The following FARS2 variants were observed in gnomAD, a reference collection of about 807,000 sequenced individuals.
The protein encoded by FARS2 is phenylalanine--tRNA ligase, mitochondrial.
FARS2 carries 40 observed loss-of-function variants against 46.4 expected under a neutral mutation model. The ratio of observed to expected loss-of-function variants is 0.86; its 90% CI spans 0.67 to 1.12. The LOEUF (loss-of-function observed/expected upper bound fraction) is 1.12. FARS2 is among the 50% of genes most tolerant of loss of function. The pLI is 0.00. For synonymous variants in FARS2, 234 were observed against 214.9 expected, an observed-to-expected ratio of 1.09 and a Z score of -0.78; for missense variants, 513 against 567.9, an observed-to-expected ratio of 0.90 and a Z score of 0.98.
intron 2 of FARS2, among the ~76,000 whole-genome samples, chr6:5,380,971 ATTAT>A (rs370795967): frequency 0.021 from 2,464 of 119,118 alleles, 32 homozygotes; most frequent in South Asian, 0.032. Context: ...CATTATAGCA[ATTAT>A]TTATTTATTT....
chr6:5,673,194 CTA>C (rs1243424621), intron 6 of FARS2, among the ~76,000 whole-genome samples: 2 of 152,320 alleles, frequency 1.3e-5, no homozygotes, highest in Non-Finnish European at 2.9e-5. Flanking sequence ...GAAGCACTGT[CTA>C]CTTCCCACGT....
intron 6 of FARS2, among the ~76,000 whole-genome samples, chr6:5,716,044 C>A (rs553182485): frequency 1.3e-5 from 2 of 152,284 alleles, no homozygotes; most frequent in South Asian, 4.1e-4. Flanking sequence ...TTTTGATTTG[C>A]ATTTTTCCCT....
At chr6:5,367,470 G>A (rs1315199102) in intron 1 of FARS2, among the ~76,000 whole-genome samples, 2 of 151,932 alleles carry the variant, frequency 1.3e-5, no homozygotes, top group African/African-American at 2.4e-5. Context: ...TGTGGCAGTG[G>A]GAAGAAGACA....
At chr6:5,569,642 G>C (rs1371102492) in intron 5 of FARS2, among the ~76,000 whole-genome samples, 1 of 152,176 alleles carries the variant, frequency 6.6e-6, no homozygotes, top group South Asian at 2.1e-4. Flanking sequence ...CTGGTCTTAG[G>C]TATGGCTGGC....
intron 1 of FARS2, among the ~76,000 whole-genome samples, chr6:5,283,621 C>G (rs1022912995): frequency 6.6e-6 from 1 of 151,658 alleles, no homozygotes; most frequent in African/African-American, 2.4e-5. Context: ...CTGTCTCTGT[C>G]CTTCAGCTCT....
intron 1 of FARS2, among the ~76,000 whole-genome samples, chr6:5,277,637 A>G (rs1766429435): frequency 6.6e-6 from 1 of 152,336 alleles, no homozygotes; most frequent in Non-Finnish European, 1.5e-5. Flanking sequence ...TTTCAAAACT[A>G]AAATCTGTTT....
chr6:5,681,153 T>G (rs1779014198), intron 6 of FARS2, among the ~76,000 whole-genome samples: 1 of 152,162 alleles, frequency 6.6e-6, no homozygotes. Flanking sequence ...CTGAGAAAGG[T>G]TCAAAGATGT....
rs187746059 is a variant in FARS2, at chr6:5,612,639, C to T, written c.1066-530C>T. 2.0e-5 allele frequency among the ~76,000 whole-genome samples: 3 copies of T among 152,286 alleles called. No individual in the cohort carries two copies. In the East Asian group the frequency reaches 5.8e-4, roughly 29 times the overall value. On this transcript the variant is annotated intron_variant, in intron 5 of 6. Coordinates refer to ENST00000274680, the MANE Select transcript of FARS2 (RefSeq NM_006567.5). ...GAAATGGCTACATTTATGTTTATCA[C>T]ATCCTTAAAGGCATAATTTGAAAAA...
At chr6:5,646,869 G>A (rs1237091800) in intron 6 of FARS2, among the ~76,000 whole-genome samples, 2 of 152,130 alleles carry the variant, frequency 1.3e-5, no homozygotes, top group Non-Finnish European at 2.9e-5. Context: ...TTGATCCACA[G>A]TTGGTTGAAT....
At chr6:5,288,517 A>G (rs143894821) in intron 1 of FARS2, among the ~76,000 whole-genome samples, 5 of 152,254 alleles carry the variant, frequency 3.3e-5, no homozygotes, top group Middle Eastern at 3.4e-3. Context: ...GAATCACCAA[A>G]TATACTTTCT....
At chr6:5,326,176 G>A (rs1426818861) in intron 1 of FARS2, among the ~76,000 whole-genome samples, 6 of 151,890 alleles carry the variant, frequency 4.0e-5, no homozygotes, top group Non-Finnish European at 7.4e-5. Flanking sequence ...TGAATGCAGC[G>A]TTATTTATTT....
intron 6 of FARS2, among the ~76,000 whole-genome samples, chr6:5,736,833 A>T (rs111375468): frequency 6.6e-6 from 1 of 152,152 alleles, no homozygotes; most frequent in Non-Finnish European, 1.5e-5. Flanking sequence ...TCTAAGAGTG[A>T]TGGGTAAGTA....
chr6:5,428,830 T>TC (rs766563307), intron 3 of FARS2, among the ~76,000 whole-genome samples: 1 of 152,192 alleles, frequency 6.6e-6, no homozygotes, highest in Non-Finnish European at 1.5e-5. Flanking sequence ...GGGACAGTTC[T>TC]CCAACGGCCT....
chr6:5,369,883 T>TG (rs957893186), intron 2 of FARS2, among the ~76,000 whole-genome samples: 3 of 150,878 alleles, frequency 2.0e-5, no homozygotes, highest in Admixed American at 6.6e-5. Flanking sequence ...TTTTTGTTGT[T>TG]TTTTTTTTTG....
chr6:5,434,396 G>T (rs915447412), intron 4 of FARS2, among the ~76,000 whole-genome samples: 1 of 152,158 alleles, frequency 6.6e-6, no homozygotes, highest in African/African-American at 2.4e-5. Flanking sequence ...ACAGGCATGA[G>T]CCACTGCGCC....
In FARS2 at chr6:5,620,628, T is replaced by C. The variant is rs974021132; in HGVS notation, c.1217+7308T>C. On this transcript the variant is annotated intron_variant, in intron 6 of 6. Coordinates refer to ENST00000274680, the MANE Select transcript of FARS2 (RefSeq NM_006567.5). Reference sequence around the variant, plus strand: ...CTCCCCACCTTCCCACCATGTCGTTTCTGCTCTTTTTTGTCTTATACAGAG... The same window carrying C: ...CTCCCCACCTTCCCACCATGTCGTTCCTGCTCTTTTTTGTCTTATACAGAG... Among the ~76,000 whole-genome samples the C allele has an allele frequency of 2.6e-5, 4 of 152,214 alleles. No individual in the cohort carries two copies. The South Asian group carries it at 8.3e-4, about 32-fold the overall frequency.
intron 5 of FARS2, among the ~76,000 whole-genome samples, chr6:5,565,766 C>G (rs1489737051): frequency 6.6e-6 from 1 of 152,136 alleles, no homozygotes; most frequent in African/African-American, 2.4e-5. Flanking sequence ...TTTCAGGGGC[C>G]TTCTGAACTA....
At chr6:5,511,942 TCAA>T (rs1768482356) in intron 4 of FARS2, among the ~76,000 whole-genome samples, 1 of 152,348 alleles carries the variant, frequency 6.6e-6, no homozygotes, top group Non-Finnish European at 1.5e-5. Context: ...ATATAAAGGT[TCAA>T]CAAGTTTCAG....
chr6:5,701,691 G>C (rs1758445862), intron 6 of FARS2, among the ~76,000 whole-genome samples: 1 of 152,162 alleles, frequency 6.6e-6, no homozygotes, highest in South Asian at 2.1e-4. Context: ...GCAATGCAGA[G>C]AAATAGTCAT....
Sources: gnomAD v4.1 joint callset for allele counts (sites outside exome capture counted in the v4.1 genomes callset) on GRCh38, gnomAD v4.1.1 for gene constraint, MANE v1.5 for transcripts, NCBI Gene and HGNC (gene_info 2026-07-23, HGNC 2026-07-21) for gene names.